CNTN5: variants seen among roughly 807,000 people sequenced by gnomAD.
CNTN5 encodes contactin 5.
In CNTN5, 77 loss-of-function variants were observed where a neutral mutation model predicts 129.1. That is an observed-to-expected ratio of 0.60 (90% CI 0.50 to 0.72). The LOEUF is 0.72. Ranked by LOEUF, CNTN5 falls within the 30% of genes least tolerant of loss-of-function variation. The pLI is 0.00. For synonymous variants in CNTN5, 509 were observed against 465.6 expected (o/e 1.09, Z -1.20); for missense variants, 1,478 against 1,328.8 (o/e 1.11, Z -1.75).
intron 1 of CNTN5, among the ~76,000 whole-genome samples, chr11:99,110,313 G>C (rs763127408): frequency 6.6e-6 from 1 of 152,148 alleles, no homozygotes; most frequent in Non-Finnish European, 1.5e-5. Flanking sequence ...TTATGGACTG[G>C]GGAGTGGTGA....
intron 2 of CNTN5, among the ~76,000 whole-genome samples, chr11:99,474,606 T>C (rs1945299295): frequency 6.6e-6 from 1 of 152,124 alleles, no homozygotes; most frequent in Admixed American, 6.5e-5. Context: ...AAAATCAATT[T>C]TTGTTTTTAC....
chr11:99,601,933 C>T (rs1175103936), intron 3 of CNTN5, among the ~76,000 whole-genome samples: 1 of 152,142 alleles, frequency 6.6e-6, no homozygotes, highest in East Asian at 1.9e-4. Flanking sequence ...TACACACTAG[C>T]TTATATCTAC....
At chr11:99,685,495 T>G in intron 3 of CNTN5, among the ~76,000 whole-genome samples, 1 of 151,994 alleles carries the variant, frequency 6.6e-6, no homozygotes, top group East Asian at 1.9e-4. Flanking sequence ...TATCTATTAT[T>G]TTTGTCAATT....
intron 21 of CNTN5, among the ~76,000 whole-genome samples, chr11:100,318,077 T>C (rs927781137): frequency 1.3e-5 from 2 of 151,838 alleles, no homozygotes; most frequent in African/African-American, 2.4e-5. Flanking sequence ...CCGTCTCTAC[T>C]AAAAATACAA....
chr11:99,079,120 A>G (rs1453651844), intron 1 of CNTN5, among the ~76,000 whole-genome samples: 1 of 152,164 alleles, frequency 6.6e-6, no homozygotes, highest in Non-Finnish European at 1.5e-5. Flanking sequence ...GTATGTCTAT[A>G]AACTTAAAGA....
chr11:99,280,965 T>TA (rs143154412), intron 1 of CNTN5, among the ~76,000 whole-genome samples: 9 of 151,446 alleles, frequency 5.9e-5, no homozygotes, highest in East Asian at 3.9e-4. Flanking sequence ...ACTTGCAGAT[T>TA]AAAAAAAATC....
chr11:100,263,553 T>C lies in CNTN5; in HGVS notation c.2165-7539T>C, dbSNP rs1448576103. ...ATATATACATATTTATTTTGTATTA[T>C]AGATAATTGCTCATATCAGCCTCAT... On this transcript the variant is annotated intron_variant, in intron 17 of 24. Transcript: ENST00000524871. 5.3e-5 allele frequency among the ~76,000 whole-genome samples: 8 copies of C among 152,274 alleles called. No individual in the cohort carries two copies. The South Asian group carries it at 1.4e-3, about 28-fold the overall frequency.
intron 4 of CNTN5, among the ~76,000 whole-genome samples, chr11:99,839,340 G>A (rs1036427614): frequency 3.9e-5 from 6 of 152,110 alleles, no homozygotes; most frequent in Admixed American, 6.6e-5. Context: ...TGTGAAAGTG[G>A]ACAAATGACT....
At chr11:99,035,527 G>C (rs200817160) in intron 1 of CNTN5, among the ~76,000 whole-genome samples, 12 of 148,636 alleles carry the variant, frequency 8.1e-5, no homozygotes, top group African/African-American at 2.5e-4. Flanking sequence ...TTATGTAATG[G>C]CCTTCTTTGT....
chr11:100,128,737 C>T (rs571645086), intron 13 of CNTN5, among the ~76,000 whole-genome samples: 6 of 151,982 alleles, frequency 3.9e-5, no homozygotes, highest in Admixed American at 2.0e-4. Context: ...CTCCATGTTC[C>T]TTCTTGCCTC....
chr11:99,096,125 G>C lies in CNTN5; in HGVS notation c.-210+74855G>C, dbSNP rs572901427. ...TTGTTCCTTTGAAAAATATCTACTA[G>C]TTAAGTAAATGTATCCAACTGTGAA... On this transcript the variant is annotated intron_variant, in intron 1 of 24. Coordinates refer to ENST00000524871, the MANE Select transcript of CNTN5 (RefSeq NM_014361.4). Among the ~76,000 whole-genome samples the C allele has an allele frequency of 3.0e-4, 45 of 151,844 alleles. No individual in the cohort carries two copies. The South Asian group carries it at 8.5e-3, about 29-fold the overall frequency.
At chr11:99,418,452 C>T (rs773955723) in intron 2 of CNTN5, among the ~76,000 whole-genome samples, 13 of 152,104 alleles carry the variant, frequency 8.5e-5, no homozygotes, top group Admixed American at 2.6e-4. Context: ...GTTAAAAGCG[C>T]TCAAGTTCAG....
At chr11:100,237,063 C>CCTCTAG (rs1363576512) in intron 16 of CNTN5, among the ~76,000 whole-genome samples, 1 of 151,860 alleles carries the variant, frequency 6.6e-6, no homozygotes, top group Non-Finnish European at 1.5e-5. Context: ...GTGGTGGGCG[C>CCTCTAG]CTCTAGTCCC....
intron 1 of CNTN5, among the ~76,000 whole-genome samples, chr11:99,291,644 G>T (rs1864176179): frequency 6.6e-6 from 1 of 152,052 alleles, no homozygotes; most frequent in East Asian, 1.9e-4. Context: ...ATAATGTGTG[G>T]TTATCTCAGA....
chr11:99,584,534 C>T lies in CNTN5; in HGVS notation c.55+28265C>T, dbSNP rs79955308. Among the ~76,000 whole-genome samples the T allele has an allele frequency of 2.7e-3, 415 of 152,324 alleles. 16 individuals carry two copies. The East Asian group carries it at 0.07, about 26-fold the overall frequency. ...GAGAAAATTCGGGAGCCATGGCTTA[C>T]ACATGGCACTAGCAACTGTATTAAA... On this transcript the variant is annotated intron_variant, in intron 3 of 24. Coordinates refer to ENST00000524871, the MANE Select transcript of CNTN5 (RefSeq NM_014361.4).
chr11:99,636,388 T>C (rs1477652288), intron 3 of CNTN5, among the ~76,000 whole-genome samples: 1 of 151,902 alleles, frequency 6.6e-6, no homozygotes, highest in Admixed American at 6.6e-5. Flanking sequence ...TTTTTTCTTT[T>C]TTTTTGTTGT....
At chr11:99,396,888 G>T (rs117101995) in intron 2 of CNTN5, among the ~76,000 whole-genome samples, 1 of 151,622 alleles carries the variant, frequency 6.6e-6, no homozygotes, top group African/African-American at 2.4e-5. Flanking sequence ...TAGTGCATAC[G>T]ACATTCAACA....
chr11:100,158,564 A>G (rs1447896359), intron 13 of CNTN5, among the ~76,000 whole-genome samples: 1 of 151,884 alleles, frequency 6.6e-6, no homozygotes, highest in Non-Finnish European at 1.5e-5. Context: ...AGCTTTCCAT[A>G]AACAAGAAAC....
chr11:99,496,199 G>A (rs767378814), intron 2 of CNTN5, among the ~76,000 whole-genome samples: 1 of 152,078 alleles, frequency 6.6e-6, no homozygotes, highest in East Asian at 1.9e-4. Flanking sequence ...GAAGCGTGAC[G>A]AGGACTGAGG....
Sources: allele counts gnomAD v4.1 joint callset (sites outside exome capture counted in the v4.1 genomes callset), GRCh38; gene constraint gnomAD v4.1.1; transcripts MANE v1.5; gene names NCBI Gene and HGNC (gene_info 2026-07-23, HGNC 2026-07-21).